The following CCP110 variants were observed in gnomAD, a reference collection of about 807,000 sequenced individuals.
CCP110 encodes centriolar coiled-coil protein of 110 kDa.
A neutral mutation model predicts 105.5 loss-of-function variants in CCP110; 43 were observed. The ratio of observed to expected loss-of-function variants is 0.41; its 90% CI spans 0.32 to 0.53. The LOEUF (loss-of-function observed/expected upper bound fraction) is 0.53, where lower values mean the gene tolerates loss of function less well. Ranked by LOEUF, CCP110 falls within the 20% of genes least tolerant of loss-of-function variation. The pLI is 0.32. For missense variants in CCP110, 1,016 were observed against 1,189.1 expected, an observed-to-expected ratio of 0.85 and a Z score of 2.14; for synonymous variants, 353 against 392.1, an observed-to-expected ratio of 0.90 and a Z score of 1.18.
chr16:19,548,000 A>T, exon 13 of CCP110: 2 of 1,610,462 alleles, frequency 1.2e-6, no homozygotes, highest in South Asian at 2.2e-5. Context: ...TTCATAGGCT[A>T]CTTAGTAGAC....
intron 2 of CCP110, among the ~76,000 whole-genome samples, chr16:19,530,441 G>T (rs926568194): frequency 6.6e-6 from 1 of 151,862 alleles, no homozygotes; most frequent in Admixed American, 6.6e-5. Context: ...ACTTTGGGAG[G>T]CTGAGACCAG....
chr16:19,552,493 C>T (rs1970672724), exon 15 of CCP110: 1 of 148,246 alleles, frequency 6.7e-6, no homozygotes. Context: ...TGCCATTGCA[C>T]TCCAGTCGGG....
chr16:19,542,623 T>A, exon 7 of CCP110: 3 of 1,607,614 alleles, frequency 1.9e-6, no homozygotes, highest in Non-Finnish European at 2.6e-6. Context: ...TTCTCTAGGT[T>A]TCACAAATTC....
exon 4 of CCP110, chr16:19,536,039 C>A: frequency 6.2e-7 from 1 of 1,613,884 alleles, no homozygotes; most frequent in Non-Finnish European, 8.5e-7. Flanking sequence ...TGCTACATTT[C>A]CAAATAGCTT....
chr16:19,547,706 C>G, intron 12 of CCP110: 1 of 348,370 alleles, frequency 2.9e-6, no homozygotes, highest in South Asian at 6.8e-5. Context: ...TCTAAAAGCA[C>G]AAGGGTTAGT....
intron 12 of CCP110, 29 bp downstream of exon 12, chr16:19,546,503 A>G (rs753870094): frequency 1.3e-4 from 176 of 1,372,828 alleles, no homozygotes; most frequent in Admixed American, 3.9e-5. Flanking sequence ...TCTTAATGAG[A>G]GGCTTTTTGT....
intron 3 of CCP110, among the ~76,000 whole-genome samples, chr16:19,534,578 C>G (rs1409055338): frequency 6.6e-6 from 1 of 152,172 alleles, no homozygotes; most frequent in East Asian, 1.9e-4. Flanking sequence ...TGAACATGTT[C>G]ATGGATTTCA....
At chr16:19,539,802 CT>C (rs1163681897) in intron 4 of CCP110, among the ~76,000 whole-genome samples, 692 of 141,120 alleles carry the variant, frequency 4.9e-3, no homozygotes, top group Non-Finnish European at 6.9e-3. Flanking sequence ...GTGGAAATTT[CT>C]TTTTTTTTTT....
chr16:19,528,646 A>G (rs181814125), intron 2 of CCP110, among the ~76,000 whole-genome samples: 5 of 152,276 alleles, frequency 3.3e-5, no homozygotes, highest in Middle Eastern at 3.4e-3. Context: ...TATAGTCCCA[A>G]TGCTTTGAGA....
intron 3 of CCP110, among the ~76,000 whole-genome samples, chr16:19,534,872 CTTTTT>C (rs35522152): frequency 9.9e-6 from 1 of 100,542 alleles, no homozygotes; most frequent in East Asian, 2.6e-4. Flanking sequence ...AATATTCAGA[CTTTTT>C]TTTTTTTTTT....
intron 3 of CCP110, among the ~76,000 whole-genome samples, chr16:19,534,629 G>T (rs1306609314): frequency 6.7e-6 from 1 of 148,210 alleles, no homozygotes. Flanking sequence ...TCCTGAGGCT[G>T]TGACTAAGTA....
intron 3 of CCP110, among the ~76,000 whole-genome samples, chr16:19,535,123 G>A (rs534072385): frequency 6.6e-6 from 1 of 151,910 alleles, no homozygotes; most frequent in East Asian, 1.9e-4. Context: ...CTCATGATCC[G>A]CCCGCCTCGG....
chr16:19,529,619 C>T (rs1472065483), intron 2 of CCP110, among the ~76,000 whole-genome samples: 2 of 152,140 alleles, frequency 1.3e-5, no homozygotes, highest in Non-Finnish European at 2.9e-5. Context: ...TTGAAAACCA[C>T]GGAGACCTGA....
At chr16:19,536,587 C>T (rs768523391) in exon 4 of CCP110, 5 of 1,614,018 alleles carry the variant, frequency 3.1e-6, no homozygotes, top group African/African-American at 1.3e-5. Context: ...AAGGTGCTTC[C>T]ACTCAAGCAA....
chr16:19,531,902 G>T (rs1318218279), intron 2 of CCP110, among the ~76,000 whole-genome samples: 1 of 150,768 alleles, frequency 6.6e-6, no homozygotes, highest in Non-Finnish European at 1.5e-5. Context: ...GGAGGCGGAG[G>T]TTGCAGTGAG....
chr16:19,534,378 A>C (rs1969976109), intron 3 of CCP110, among the ~76,000 whole-genome samples: 1 of 152,192 alleles, frequency 6.6e-6, no homozygotes, highest in Admixed American at 6.5e-5. Context: ...AGATAGGAAA[A>C]TTTTATATAA....
exon 4 of CCP110, chr16:19,536,891 A>G (rs764593838): frequency 3.1e-6 from 5 of 1,614,096 alleles, no homozygotes; most frequent in South Asian, 1.1e-5. Context: ...AGAACAGGCA[A>G]TGGACTTAAT....
intron 5 of CCP110, among the ~76,000 whole-genome samples, chr16:19,541,652 GAGAGAGAGA>G (rs1970286317): frequency 6.2e-4 from 1 of 1,602 alleles, no homozygotes; most frequent in Non-Finnish European, 2.0e-3. Context: ...AGAGAGAGGA[GAGAGAGAGA>G]GAGAGAGAGA....
exon 7 of CCP110, chr16:19,542,677 T>C (rs374662783): frequency 3.7e-6 from 6 of 1,613,364 alleles, no homozygotes; most frequent in African/African-American, 1.3e-5. Context: ...AGCACCATTC[T>C]ACCTCTGGGG....
Sources: allele counts gnomAD v4.1 joint callset (sites outside exome capture counted in the v4.1 genomes callset), GRCh38; gene constraint gnomAD v4.1.1; transcripts MANE v1.5; gene names NCBI Gene and HGNC (gene_info 2026-07-23, HGNC 2026-07-21).